UGT1A9: variants seen among roughly 807,000 people sequenced by gnomAD.
The protein encoded by UGT1A9 is UDP-glucuronosyltransferase 1A9.
Under a neutral mutation model 45.0 loss-of-function variants are expected in UGT1A9, and 35 were observed. That is an observed-to-expected ratio of 0.78 (90% confidence interval 0.59 to 1.03). UGT1A9 has a LOEUF of 1.03. Ranked by LOEUF, UGT1A9 falls within the 50% of genes least tolerant of loss-of-function variation. UGT1A9 has a pLI of 0.00. For missense variants in UGT1A9, 687 were observed against 666.6 expected, an observed-to-expected ratio of 1.03 and a Z score of -0.34; for synonymous variants, 278 against 250.6, an observed-to-expected ratio of 1.11 and a Z score of -1.03.
At chr2:233,730,026 C>G (rs2077971569) in intron 1 of UGT1A9, 3 of 1,613,402 alleles carry the variant, frequency 1.9e-6, no homozygotes, top group African/African-American at 2.7e-5. Flanking sequence ...AATCAATGTT[C>G]CAGGCAAAAC....
rs45586035 is a variant in UGT1A9, at chr2:233,729,636, G to GT, written c.856-37390dup. 7.6e-4 allele frequency: 1,222 copies of GT among 1,613,576 alleles called. 6 individuals are homozygous for GT. The African/African-American group carries it at 1.0e-2, about 13-fold the overall frequency. On this transcript the variant is annotated intron_variant, in intron 1 of 4. Coordinates refer to ENST00000354728, the MANE Select transcript of UGT1A9 (RefSeq NM_021027.3). ...CTAAGTACCTGTCGATTCCTACTGT[G>GT]TTTTTTTTGAGGAACATTCCATGTG...
intron 1 of UGT1A9, among the ~76,000 whole-genome samples, chr2:233,759,843 C>CA (rs1240131722): frequency 1.3e-5 from 2 of 152,184 alleles, no homozygotes; most frequent in African/African-American, 4.8e-5. Flanking sequence ...GGCACTCTTA[C>CA]AGGTTTCCAT....
chr2:233,771,260 C>CT (rs891018282), intron 4 of UGT1A9: 6 of 151,570 alleles, frequency 4.0e-5, no homozygotes, highest in Admixed American at 6.6e-5. Flanking sequence ...ATAGGAGTGC[C>CT]TTTTTTTTTC....
intron 1 of UGT1A9, among the ~76,000 whole-genome samples, chr2:233,686,411 G>A (rs1479492312): frequency 6.6e-6 from 1 of 152,120 alleles, no homozygotes; most frequent in African/African-American, 2.4e-5. Flanking sequence ...ATTAAGGTGT[G>A]CAGATAAACA....
At chr2:233,717,557 A>T (rs1319791307) in intron 1 of UGT1A9, among the ~76,000 whole-genome samples, 2 of 152,230 alleles carry the variant, frequency 1.3e-5, no homozygotes, top group Non-Finnish European at 2.9e-5. Flanking sequence ...CAGCAATGGC[A>T]GACATGGCCA....
rs769053574 is a variant in UGT1A9 at position 233,713,820 on chromosome 2, G to T, written c.855+41031G>T. The stretch of plus-strand genomic sequence containing the variant: ...GATCATGCCCAACATGGTCTTCATT[G>T]GGGGCATCAACTGTGCCAACGGGAA... On this transcript the variant is annotated intron_variant, in intron 1 of 4. Coordinates refer to ENST00000354728, the MANE Select transcript of UGT1A9 (RefSeq NM_021027.3). The T allele has an allele frequency of 1.1e-5, 17 of 1,614,012 alleles. No individual in the cohort carries two copies. In the South Asian group the frequency reaches 1.9e-4, roughly 18 times the overall value.
In UGT1A9 at chr2:233,731,246, C is replaced by T. The variant is rs139669566; in HGVS notation, c.856-35788C>T. Among the ~76,000 whole-genome samples, 684 of 150,450 alleles carry T rather than the reference C, an allele frequency of 4.5e-3. 5 individuals carry two copies. The highest frequency in any genetic ancestry group is 0.016 in the African/African-American group (645 of 41,062). On this transcript the variant is annotated intron_variant, in intron 1 of 4. Coordinates refer to ENST00000354728, the MANE Select transcript of UGT1A9 (RefSeq NM_021027.3). ...GTAAAAATGTTGAAAAGTGGGATGG[C>T]ATTTAAATAGTGACTGTTGCCCTTC... is the stretch of plus-strand genomic sequence containing the variant.
intron 1 of UGT1A9, chr2:233,691,756 C>T: frequency 1.9e-6 from 1 of 515,634 alleles, no homozygotes; most frequent in African/African-American, 2.1e-5. Flanking sequence ...CTTTCTGACT[C>T]CTGCTCTAGG....
At position 233,767,086 on chromosome 2, in the gene UGT1A9, C is replaced by A. The variant is rs1169717734; in HGVS notation, c.908C>A (p.Ser303Tyr). 2 of 1,614,008 alleles carry A rather than the reference C, an allele frequency of 1.2e-6. No individual in the cohort carries two copies. Among genetic ancestry groups the A allele is most frequent in the Non-Finnish European group, 1.7e-6 (2 of 1,180,008 alleles). Residue 303 changes from serine (S) to tyrosine (Y), a missense_variant, in exon 2 of 5, where the codon TCT becomes TAT. Coordinates refer to ENST00000354728, the MANE Select transcript of UGT1A9 (RefSeq NM_021027.3). ...ASGEHGIVVF[S>Y]LGSMVSEIPE... ...GGAGAACATGGAATTGTGGTTTTCT[C>A]TTTGGGATCAATGGTCTCAGAAATT...
intron 1 of UGT1A9, chr2:233,692,383 A>G (rs1237796936): frequency 1.9e-5 from 3 of 155,458 alleles, no homozygotes; most frequent in Non-Finnish European, 4.3e-5. Flanking sequence ...ATTGACTCCA[A>G]GAAAGAGGGT....
chr2:233,718,539 A>G (rs2076661264), intron 1 of UGT1A9, among the ~76,000 whole-genome samples: 1 of 152,200 alleles, frequency 6.6e-6, no homozygotes, highest in African/African-American at 2.4e-5. Flanking sequence ...TGTGTTGGGA[A>G]TTGAATGAGA....
intron 1 of UGT1A9, chr2:233,729,089 G>T (rs373016756): frequency 1.2e-6 from 2 of 1,612,560 alleles, no homozygotes; most frequent in Non-Finnish European, 1.7e-6. Flanking sequence ...CAGGCACAGC[G>T]TGGGGTGGAC....
At chr2:233,727,671 A>C (rs2077638679) in intron 1 of UGT1A9, among the ~76,000 whole-genome samples, 2 of 152,110 alleles carry the variant, frequency 1.3e-5, no homozygotes, top group Non-Finnish European at 2.9e-5. Context: ...TGTCCTTACA[A>C]ATTCCCAGGA....
In UGT1A9 at chr2:233,724,385, C is replaced by T. The variant is rs1406263837; in HGVS notation, c.856-42649C>T. ...GGACGGGGTGGCTGCCGGGCGGAGA[C>T]GCTCCTCACTTCCCAGATGGGGTGG... is the stretch of plus-strand genomic sequence containing the variant. On this transcript the variant is annotated intron_variant, in intron 1 of 4. Coordinates refer to ENST00000354728, the MANE Select transcript of UGT1A9 (RefSeq NM_021027.3). Among the ~76,000 whole-genome samples the T allele has an allele frequency of 2.7e-3, 360 of 130,940 alleles. 4 individuals are homozygous for T. Among genetic ancestry groups the T allele is most frequent in the African/African-American group, 9.9e-3 (334 of 33,572 alleles). 85.9% of individuals were successfully genotyped at this position (130,940 alleles called of 152,430 possible).
At chr2:233,679,142 A>C (rs533337992) in intron 1 of UGT1A9, among the ~76,000 whole-genome samples, 1 of 152,154 alleles carries the variant, frequency 6.6e-6, no homozygotes, top group Non-Finnish European at 1.5e-5. Flanking sequence ...TGAGAGACTG[A>C]ATTAGAGATG....
At chr2:233,719,662 G>A in intron 1 of UGT1A9, 6 of 1,614,092 alleles carry the variant, frequency 3.7e-6, no homozygotes, top group Non-Finnish European at 5.1e-6. Flanking sequence ...GGCATCAACT[G>A]TGCCAACGGG....
chr2:233,716,908 C>G (rs1308471683), intron 1 of UGT1A9, among the ~76,000 whole-genome samples: 2 of 152,142 alleles, frequency 1.3e-5, no homozygotes, highest in Non-Finnish European at 2.9e-5. Context: ...TCTCCAGACC[C>G]TGGAAGCTGA....
At chr2:233,731,482 G>C (rs562723642) in intron 1 of UGT1A9, among the ~76,000 whole-genome samples, 2 of 152,088 alleles carry the variant, frequency 1.3e-5, no homozygotes, top group Non-Finnish European at 2.9e-5. Flanking sequence ...TCCCTGGCCT[G>C]TGTCCAGTGT....
At chr2:233,693,818 G>A (rs766165182) in intron 1 of UGT1A9, 1 of 1,614,200 alleles carries the variant, frequency 6.2e-7, no homozygotes, top group East Asian at 2.2e-5. Context: ...GCCCAACATG[G>A]TCTTCATTGG....
Sources: allele counts gnomAD v4.1 joint callset (sites outside exome capture counted in the v4.1 genomes callset), GRCh38; gene constraint gnomAD v4.1.1; transcripts MANE v1.5; gene names NCBI Gene and HGNC (gene_info 2026-07-23, HGNC 2026-07-21).